Variants in MRTFA observed in about 807,000 individuals in gnomAD.
MRTFA encodes myocardin-related transcription factor A.
MRTFA carries 20 observed loss-of-function variants against 83.5 expected under a neutral mutation model. That is an observed-to-expected ratio of 0.24 (90% CI 0.17 to 0.35). The LOEUF (loss-of-function observed/expected upper bound fraction) is 0.35, where lower values mean the gene tolerates loss of function less well. Ranked by LOEUF, MRTFA falls within the 10% of genes least tolerant of loss-of-function variation. The pLI, the probability that MRTFA is intolerant of heterozygous loss-of-function variation, is 1.00. For missense variants in MRTFA, 1,200 were observed against 1,224.7 expected, an observed-to-expected ratio of 0.98 and a Z score of 0.30; for synonymous variants, 659 against 541.2, an observed-to-expected ratio of 1.22 and a Z score of -3.02.
chr22:40,631,003 C>T lies in MRTFA; in HGVS notation c.-84+5475G>A, dbSNP rs114594231. Reference sequence around the variant, plus strand: ...TTTTAAGTACTGCTTCCAGCTAAACCCATTCTACAGACAGAGAGCCCAGTA... The same window carrying T: ...TTTTAAGTACTGCTTCCAGCTAAACTCATTCTACAGACAGAGAGCCCAGTA... On this transcript the variant is annotated intron_variant, in intron 1 of 14. Coordinates refer to ENST00000355630, the MANE Select transcript of MRTFA (RefSeq NM_020831.6). Among the ~76,000 whole-genome samples the T allele has an allele frequency of 3.6e-3, 554 of 152,254 alleles. 5 individuals carry two copies. Among genetic ancestry groups the T allele is most frequent in the African/African-American group, 0.013 (532 of 41,536 alleles).
chr22:40,606,211 T>C (rs2056317403), intron 1 of MRTFA, among the ~76,000 whole-genome samples: 1 of 152,152 alleles, frequency 6.6e-6, no homozygotes, highest in African/African-American at 2.4e-5. Flanking sequence ...TGAACAAGAA[T>C]AAATTTCTAG....
intron 3 of MRTFA, among the ~76,000 whole-genome samples, chr22:40,496,373 A>T (rs2054355669): frequency 6.9e-6 from 1 of 145,862 alleles, no homozygotes; most frequent in African/African-American, 2.5e-5. Context: ...TGCACAGGAG[A>T]GAGTAGAAGC....
chr22:40,509,793 G>A lies in MRTFA; in HGVS notation c.241+42313C>T, dbSNP rs192815006. 1.3e-4 allele frequency among the ~76,000 whole-genome samples: 19 copies of A among 151,926 alleles called. No homozygotes were observed. In the East Asian group the frequency reaches 3.7e-3, roughly 29 times the overall value. On this transcript the variant is annotated intron_variant, in intron 3 of 14. Coordinates refer to ENST00000355630, the MANE Select transcript of MRTFA (RefSeq NM_020831.6). The stretch of plus-strand genomic sequence containing the variant: ...TTGCTGAAATCCCCCTCCTCATAAG[G>A]AGGAATTTGAGAAAAAATACTGCCA...
At chr22:40,413,448 T>A (rs1336387623) in intron 14 of MRTFA, among the ~76,000 whole-genome samples, 4 of 151,602 alleles carry the variant, frequency 2.6e-5, no homozygotes, top group Non-Finnish European at 4.4e-5. Context: ...CAAGCAATTC[T>A]CCTGCCTCAC....
intron 2 of MRTFA, among the ~76,000 whole-genome samples, chr22:40,553,386 T>A (rs956854379): frequency 6.6e-6 from 1 of 152,120 alleles, no homozygotes; most frequent in African/African-American, 2.4e-5. Flanking sequence ...AAAAATGGTT[T>A]CATGGGCCCA....
At chr22:40,472,059 C>T (rs1175854571) in intron 3 of MRTFA, among the ~76,000 whole-genome samples, 1 of 152,140 alleles carries the variant, frequency 6.6e-6, no homozygotes, top group Non-Finnish European at 1.5e-5. Flanking sequence ...AATTCCTCAA[C>T]AAAATACTAG....
chr22:40,603,762 A>C (rs6001979), intron 1 of MRTFA, among the ~76,000 whole-genome samples: 1 of 149,748 alleles, frequency 6.7e-6, no homozygotes, highest in Non-Finnish European at 1.5e-5. Flanking sequence ...GAAAAAAAAA[A>C]TTTTTTTTTT....
At chr22:40,539,536 C>G (rs1396360607) in intron 3 of MRTFA, among the ~76,000 whole-genome samples, 2 of 135,642 alleles carry the variant, frequency 1.5e-5, no homozygotes, top group African/African-American at 5.0e-5. Flanking sequence ...GACAGTCTTT[C>G]TCTGTAGCCA....
chr22:40,419,371 T>C lies in MRTFA; in HGVS notation c.1367A>G (p.Lys456Arg), dbSNP rs906828439. ...CAGTGATCGCAACTTCAGCTCCTGC[T>C]TCAGCTCTGCCACCTGCAAGGCAGT... The change falls in exon 12 of 15, where the codon AAG becomes AGG. Residue 456 changes from lysine (K) to arginine (R), a missense_variant. Lys to Arg is a conservative substitution (Grantham distance 26). Around this residue, in one of 2 missense-constraint regions of MRTFA, gnomAD observed 1,107 missense variants for 1,041.8 expected, o/e 1.06. Transcript: ENST00000355630. The C allele has an allele frequency of 1.2e-6, 2 of 1,613,600 alleles. No individual in the cohort carries two copies. The highest frequency in any genetic ancestry group is 1.7e-5 in the Admixed American group (1 of 60,002).
chr22:40,452,598 C>T (rs1035168523), intron 4 of MRTFA, among the ~76,000 whole-genome samples: 2 of 151,842 alleles, frequency 1.3e-5, no homozygotes, highest in African/African-American at 2.4e-5. Flanking sequence ...TCGAGGTGGA[C>T]GGATCACCTG....
chr22:40,533,704 G>A (rs2035628554), intron 3 of MRTFA: 1 of 970,414 alleles, frequency 1.0e-6, no homozygotes, highest in Non-Finnish European at 1.3e-6. Flanking sequence ...GAGAAAAGCT[G>A]TCTTGAAAGC....
At chr22:40,561,843 G>A (rs1241022134) in intron 2 of MRTFA, among the ~76,000 whole-genome samples, 3 of 152,024 alleles carry the variant, frequency 2.0e-5, no homozygotes, top group Non-Finnish European at 4.4e-5. Flanking sequence ...TTGACCAATC[G>A]AGAACAGTGA....
chr22:40,542,976 T>G (rs1414812784), intron 3 of MRTFA, among the ~76,000 whole-genome samples: 4 of 152,218 alleles, frequency 2.6e-5, no homozygotes, highest in African/African-American at 4.8e-5. Context: ...AGGAACTCTA[T>G]CTGGTATCTA....
At chr22:40,605,056 C>T (rs1265241510) in intron 1 of MRTFA, among the ~76,000 whole-genome samples, 3 of 152,106 alleles carry the variant, frequency 2.0e-5, no homozygotes, top group African/African-American at 4.8e-5. Flanking sequence ...CCCATGTTAA[C>T]CTTTATCACT....
chr22:40,506,306 ATAATCCCTTCT>A (rs2054580298), intron 3 of MRTFA, among the ~76,000 whole-genome samples: 2 of 152,222 alleles, frequency 1.3e-5, no homozygotes, highest in Non-Finnish European at 2.9e-5. Flanking sequence ...TATATAAAAT[ATAATCCCTTCT>A]TGAATGTGAT....
In MRTFA at chr22:40,629,560, G is replaced by A. The variant is rs187998839; in HGVS notation, c.-84+6918C>T. Among the ~76,000 whole-genome samples the A allele has an allele frequency of 3.0e-3, 448 of 151,712 alleles. 4 individuals are homozygous for A. Among genetic ancestry groups the A allele is most frequent in the African/African-American group, 0.01 (426 of 41,386 alleles). ...ATGGATCGCCTGAGGTCAGGAGTTCGAGATCAGCCTGGCCAACATAGTGAA... is the reference window on the plus strand; with the variant it reads ...ATGGATCGCCTGAGGTCAGGAGTTCAAGATCAGCCTGGCCAACATAGTGAA... On this transcript the variant is annotated intron_variant, in intron 1 of 14. Transcript: ENST00000355630.
At chr22:40,580,257 G>A (rs949842984) in intron 2 of MRTFA, among the ~76,000 whole-genome samples, 3 of 151,798 alleles carry the variant, frequency 2.0e-5, no homozygotes, top group African/African-American at 7.3e-5. Context: ...GTAAAGCACT[G>A]GCATCATCAT....
In MRTFA at chr22:40,418,420, T is replaced by C. The variant is rs556324372; in HGVS notation, c.2318A>G (p.Asn773Ser). 18 of 1,614,024 alleles carry C rather than the reference T, an allele frequency of 1.1e-5. No individual in the cohort carries two copies. In the Admixed American group the frequency reaches 1.7e-4, roughly 15 times the overall value. ...CAGGCCAGGGCTGTCTGCATTCTTA[T>C]TGGTCACGGTGAGGACAAGGTGGGT... The change falls in exon 12 of 15, where the codon AAT (asparagine) becomes AGT (serine). Residue 773 changes from asparagine to serine, a missense_variant. Coordinates refer to ENST00000355630, the MANE Select transcript of MRTFA (RefSeq NM_020831.6).
chr22:40,555,047 A>G (rs1243676403), intron 2 of MRTFA, among the ~76,000 whole-genome samples: 1 of 152,250 alleles, frequency 6.6e-6, no homozygotes, highest in Non-Finnish European at 1.5e-5. Context: ...TGTTAACTCA[A>G]TGCCTGTATC....
Sources: gnomAD v4.1 joint callset for allele counts (sites outside exome capture counted in the v4.1 genomes callset) on GRCh38, gnomAD v4.1.1 for gene constraint, gnomAD v4.1.1 regional missense constraint, MANE v1.5 for transcripts, NCBI Gene and HGNC (gene_info 2026-07-23, HGNC 2026-07-21) for gene names.